NUP153: variants seen among roughly 807,000 people sequenced by gnomAD.
NUP153 encodes nucleoporin 153.
A neutral mutation model predicts 134.6 loss-of-function variants in NUP153; 27 were observed. The ratio of observed to expected loss-of-function variants is 0.20; its 90% CI spans 0.15 to 0.28. NUP153 has a LOEUF of 0.28. NUP153 is among the 10% of genes least tolerant of loss of function. NUP153 has a pLI of 1.00. For missense variants in NUP153, 1,821 were observed against 1,731.3 expected (o/e 1.05, Z -0.92); for synonymous variants, 640 against 623.5 (o/e 1.03, Z -0.40).
intron 2 of NUP153, among the ~76,000 whole-genome samples, chr6:17,682,936 A>C (rs1387292478): frequency 1.4e-5 from 2 of 148,108 alleles, no homozygotes; most frequent in African/African-American, 5.3e-5. Context: ...AAAAAAAAAA[A>C]AAAAAACACT....
intron 21 of NUP153, among the ~76,000 whole-genome samples, 160 bp from the exon 22 acceptor site, chr6:17,616,341 T>C (rs1328736908): frequency 1.3e-5 from 2 of 152,174 alleles, no homozygotes; most frequent in African/African-American, 2.4e-5. Context: ...ACACACACGC[T>C]ACTGTTATTT....
chr6:17,628,839 C>G lies in NUP153; in HGVS notation c.3360G>C (p.Lys1120Asn). Residue 1120 changes from lysine (K) to asparagine (N), a missense_variant, in exon 18 of 22, where the codon AAG becomes AAC. Coordinates refer to ENST00000262077, the MANE Select transcript of NUP153 (RefSeq NM_005124.4). The surrounding 1 kb of genome is among the most constrained non-coding windows in gnomAD (Gnocchi z 5.4). The part of the protein sequence containing the change: ...PVTSTSLVFG[K>N]KADNEEPKCQ... ...ACTTTGGCTCTTCATTGTCAGCTTTCTTCCCAAAAACTAGGGAAGTAGAAG... is the reference window on the plus strand; with the variant it reads ...ACTTTGGCTCTTCATTGTCAGCTTTGTTCCCAAAAACTAGGGAAGTAGAAG... 1.2e-6 allele frequency: 2 copies of G among 1,614,190 alleles called. No homozygotes were observed. Among genetic ancestry groups the G allele is most frequent in the Non-Finnish European group, 1.7e-6 (2 of 1,180,018 alleles).
At chr6:17,639,401 T>C (rs1043253742) in intron 15 of NUP153, among the ~76,000 whole-genome samples, 2 of 152,212 alleles carry the variant, frequency 1.3e-5, no homozygotes, top group Non-Finnish European at 2.9e-5. Context: ...TTATACTATG[T>C]ATCATAAATG....
chr6:17,694,735 T>C (rs1769524481), intron 1 of NUP153, among the ~76,000 whole-genome samples: 1 of 150,564 alleles, frequency 6.6e-6, no homozygotes, highest in Non-Finnish European at 1.5e-5. Flanking sequence ...GCCCAGCGCT[T>C]TGGGAGGCTG....
At chr6:17,646,036 GTA>G in intron 14 of NUP153, 29 bp downstream of exon 14, 1 of 971,866 alleles carries the variant, frequency 1.0e-6, no homozygotes, top group Non-Finnish European at 1.6e-6. Context: ...GCAATTGTTT[GTA>G]TGTTAAAATG....
chr6:17,694,424 C>T (rs1198954721), intron 1 of NUP153, among the ~76,000 whole-genome samples: 1 of 152,120 alleles, frequency 6.6e-6, no homozygotes, highest in East Asian at 1.9e-4. Context: ...TTCCGGAGGC[C>T]GACGCGGGCG....
Position 17,675,874 on chromosome 6 carries a change from A to C in NUP153, c.335-104T>G. 1 of 1,094,202 alleles carries C rather than the reference A, an allele frequency of 9.1e-7. No homozygotes were observed. Among genetic ancestry groups the C allele is most frequent in the Non-Finnish European group, 1.4e-6 (1 of 735,088 alleles). The allele number at this position is 1,094,202 out of a possible 1,614,324, so 67.8% of individuals were successfully genotyped here. On this transcript the variant is annotated intron_variant, in intron 2 of 21. Coordinates refer to ENST00000262077, the MANE Select transcript of NUP153 (RefSeq NM_005124.4). This position sits in a 1 kb window ranked among gnomAD's most constrained non-coding sequence, Gnocchi z 4.4. ...ACACATTACAGTATATAATAGCTTC[A>C]ATTCAAATCACTGGGGCATCCCATA...
At chr6:17,630,767 G>A (rs1765207187) in intron 17 of NUP153, among the ~76,000 whole-genome samples, 1 of 150,118 alleles carries the variant, frequency 6.7e-6, no homozygotes, top group Admixed American at 6.6e-5. Flanking sequence ...GGAGAGGGGA[G>A]AGGGGAGAGG....
intron 13 of NUP153, 57 bp from the exon 14 acceptor site, chr6:17,646,211 C>A: frequency 1.1e-6 from 1 of 903,970 alleles, no homozygotes; most frequent in South Asian, 1.4e-5. Flanking sequence ...AAATATAGAG[C>A]TTTTTTATTC....
Position 17,675,655 on chromosome 6 carries a change from T to C in NUP153, c.450A>G (p.Pro150=). 6.2e-7 allele frequency: 1 copy of C among 1,614,172 alleles called. No homozygotes were observed. The highest frequency in any genetic ancestry group is 8.5e-7 in the Non-Finnish European group (1 of 1,180,034). ...CAATTGGGAATGCCGAGGATGTAGA[T>C]GGCTGACAGTGTAATGCAGGGGATT... The part of the protein sequence containing the change: ...MLESPALHCQ[P]STSSAFPIGS... Residue 150 remains proline (P), a synonymous_variant, in exon 3 of 22, where the codon CCA becomes CCG. Transcript: ENST00000262077. The surrounding 1 kb of genome is among the most constrained non-coding windows in gnomAD (Gnocchi z 4.4).
intron 9 of NUP153, among the ~76,000 whole-genome samples, chr6:17,664,184 C>T (rs1402578855): frequency 1.3e-5 from 2 of 152,046 alleles, no homozygotes; most frequent in African/African-American, 4.8e-5. Flanking sequence ...AAACACTATG[C>T]TAAGTGGCTA....
intron 11 of NUP153, among the ~76,000 whole-genome samples, chr6:17,653,245 T>C (rs1407294758): frequency 4.0e-5 from 6 of 151,834 alleles, no homozygotes; most frequent in Non-Finnish European, 8.8e-5. Flanking sequence ...AGAGCGAGGC[T>C]CCATCTCAAA....
chr6:17,624,477 T>C (rs1764815515), intron 20 of NUP153, 84 bp downstream of exon 20: 1 of 1,311,794 alleles, frequency 7.6e-7, no homozygotes, highest in Non-Finnish European at 1.1e-6. Context: ...AAATTAGACA[T>C]ATGAATGGTT....
intron 5 of NUP153, among the ~76,000 whole-genome samples, chr6:17,672,205 G>C (rs1404475662): frequency 6.7e-6 from 1 of 149,076 alleles, no homozygotes; most frequent in Admixed American, 6.7e-5. Flanking sequence ...TTGGCAAAAG[G>C]AAAGACACAC....
At chr6:17,636,858 C>T (rs1169856477) in intron 16 of NUP153, among the ~76,000 whole-genome samples, 4 of 152,088 alleles carry the variant, frequency 2.6e-5, no homozygotes, top group Non-Finnish European at 5.9e-5. Flanking sequence ...AAATATTACC[C>T]CATTCTAAGA....
At position 17,628,650 on chromosome 6, in the gene NUP153, C is replaced by A; in HGVS notation, c.3544+5G>T. 1 of 1,445,380 alleles carries A rather than the reference C, an allele frequency of 6.9e-7. No homozygotes were observed. Among genetic ancestry groups the A allele is most frequent in the Non-Finnish European group, 9.2e-7 (1 of 1,091,068 alleles). The allele number at this position is 1,445,380 out of a possible 1,614,324, so 89.5% of individuals were successfully genotyped here. A position where few individuals can be genotyped will look rare whatever the true frequency, so the allele number is the denominator to read the frequency against. On this transcript the variant is annotated splice_donor_5th_base_variant and intron_variant, in intron 18 of 21. Transcript: ENST00000262077. The surrounding 1 kb of genome is among the most constrained non-coding windows in gnomAD (Gnocchi z 5.4). Reference sequence around the variant, plus strand: ...TAATAATAATAATAAAAAGTTAATACTTACCAGCTGTAGTACTAGTTTGAG... The same window carrying A: ...TAATAATAATAATAAAAAGTTAATAATTACCAGCTGTAGTACTAGTTTGAG...
intron 17 of NUP153, among the ~76,000 whole-genome samples, chr6:17,632,300 A>AAAAC (rs570187630): frequency 1.1e-4 from 17 of 148,846 alleles, no homozygotes; most frequent in African/African-American, 2.4e-4. Context: ...AACTGTCTCA[A>AAAAC]AAACAAACAA....
intron 5 of NUP153, among the ~76,000 whole-genome samples, chr6:17,674,187 GA>G (rs1768077580): frequency 6.6e-6 from 1 of 152,160 alleles, no homozygotes; most frequent in South Asian, 2.1e-4. Flanking sequence ...TGACTCAAGA[GA>G]TACATAAGGT....
intron 13 of NUP153, among the ~76,000 whole-genome samples, 158 bp downstream of exon 13, chr6:17,647,649 A>G (rs1766271768): frequency 1.3e-5 from 2 of 152,266 alleles, no homozygotes; most frequent in South Asian, 4.1e-4. Flanking sequence ...TATGTAGTGA[A>G]GAATACATGA....
Sources: gnomAD v4.1 joint callset for allele counts (sites outside exome capture counted in the v4.1 genomes callset) on GRCh38, gnomAD v4.1.1 for gene constraint, Gnocchi (gnomAD v3.1) non-coding constraint, MANE v1.5 for transcripts, NCBI Gene and HGNC (gene_info 2026-07-23, HGNC 2026-07-21) for gene names.